Variants in DLGAP2 observed in about 807,000 individuals in gnomAD.
DLGAP2 encodes the protein DLG associated protein 2, also known as disks large-associated protein 2.
Under a neutral mutation model 100.3 loss-of-function variants are expected in DLGAP2, and 26 were observed. The observed-to-expected ratio is 0.26, with a 90% CI of 0.19 to 0.36. The LOEUF (loss-of-function observed/expected upper bound fraction) is 0.36. Among genes scored for constraint, DLGAP2 ranks in the 10% least tolerant of loss-of-function variants. The pLI is 1.00. For missense variants in DLGAP2, 1,858 were observed against 1,453.2 expected (o/e 1.28, Z -4.53); for synonymous variants, 886 against 630.1 (o/e 1.41, Z -6.08).
intron 3 of DLGAP2, among the ~76,000 whole-genome samples, chr8:1,343,978 A>G (rs1466495637): frequency 3.9e-5 from 6 of 152,258 alleles, no homozygotes; most frequent in African/African-American, 1.4e-4. Context: ...CATGGCGGAC[A>G]GAGGAGACCT....
At chr8:1,535,168 T>TC (rs1024408466) in intron 4 of DLGAP2, among the ~76,000 whole-genome samples, 5 of 152,018 alleles carry the variant, frequency 3.3e-5, no homozygotes, top group African/African-American at 1.2e-4. Context: ...TGCCCAGAAG[T>TC]CCCCCCAGGG....
In DLGAP2 at chr8:1,130,902, TGA is replaced by T. The variant is rs567038124; in HGVS notation, c.74-127944_74-127943del. Among the ~76,000 whole-genome samples, 7 of 151,646 alleles carry T rather than the reference TGA, an allele frequency of 4.6e-5. No homozygotes were observed. The South Asian group carries it at 1.3e-3, about 27-fold the overall frequency. ...ACCCCTAGCTCGGCAGCGGCTGGGC[TGA>T]GAGACCGGAGACGGGCCTCCCTGAT... On this transcript the variant is annotated intron_variant, in intron 2 of 14. Transcript: ENST00000637795.
At chr8:1,370,892 T>C (rs1352479831) in intron 3 of DLGAP2, among the ~76,000 whole-genome samples, 1 of 152,214 alleles carries the variant, frequency 6.6e-6, no homozygotes, top group African/African-American at 2.4e-5. Flanking sequence ...AGTTCATCTG[T>C]GTGTTAGGTG....
At chr8:1,170,366 A>C (rs1470161070) in intron 2 of DLGAP2, among the ~76,000 whole-genome samples, 1 of 151,992 alleles carries the variant, frequency 6.6e-6, no homozygotes, top group Non-Finnish European at 1.5e-5. Context: ...TGTCTCTGCC[A>C]GGCTTTGGTA....
chr8:1,464,953 C>T (rs1798582363), intron 3 of DLGAP2, among the ~76,000 whole-genome samples: 1 of 152,204 alleles, frequency 6.6e-6, no homozygotes, highest in Admixed American at 6.5e-5. Flanking sequence ...AAACACACCA[C>T]AGTGGTTTTT....
intron 5 of DLGAP2, among the ~76,000 whole-genome samples, chr8:1,552,537 C>G (rs1159931324): frequency 6.6e-6 from 1 of 152,188 alleles, no homozygotes; most frequent in East Asian, 1.9e-4. Flanking sequence ...GATGCCTGTG[C>G]AGGGCTGTCC....
At chr8:1,413,292 G>A (rs1400392970) in intron 3 of DLGAP2, among the ~76,000 whole-genome samples, 1 of 152,188 alleles carries the variant, frequency 6.6e-6, no homozygotes, top group Non-Finnish European at 1.5e-5. Context: ...AGAAGGATGG[G>A]AAGCAGAATG....
chr8:796,270 T>C (rs927410294), intron 1 of DLGAP2, among the ~76,000 whole-genome samples: 5 of 152,118 alleles, frequency 3.3e-5, no homozygotes. Flanking sequence ...CTGACTCTGG[T>C]CCCGGGATCC....
chr8:851,023 A>G (rs1480710687), intron 1 of DLGAP2, among the ~76,000 whole-genome samples: 2 of 152,230 alleles, frequency 1.3e-5, no homozygotes. Context: ...AAGATGAAAG[A>G]TGCACTGTCC....
At chr8:1,088,255 T>A (rs1804042526) in intron 2 of DLGAP2, among the ~76,000 whole-genome samples, 1 of 152,224 alleles carries the variant, frequency 6.6e-6, no homozygotes. Flanking sequence ...TGGCGTTTCA[T>A]TAATGGACTT....
intron 3 of DLGAP2, among the ~76,000 whole-genome samples, chr8:1,327,621 G>A (rs997233159): frequency 6.6e-6 from 1 of 152,148 alleles, no homozygotes. Context: ...AAGGCAGGTG[G>A]ATCACGAGGT....
intron 2 of DLGAP2, among the ~76,000 whole-genome samples, chr8:1,037,456 C>G (rs111510196): frequency 1.3e-5 from 2 of 152,142 alleles, no homozygotes; most frequent in African/African-American, 4.8e-5. Context: ...CAGGGCCTGG[C>G]GGTGGCCTGG....
intron 3 of DLGAP2, among the ~76,000 whole-genome samples, chr8:1,460,649 C>A (rs1798447877): frequency 6.6e-6 from 1 of 152,138 alleles, no homozygotes; most frequent in Non-Finnish European, 1.5e-5. Flanking sequence ...CAGATAATTT[C>A]TTGTGCATTT....
At chr8:1,595,435 G>A (rs1349604019) in intron 6 of DLGAP2, among the ~76,000 whole-genome samples, 9 of 151,534 alleles carry the variant, frequency 5.9e-5, no homozygotes, top group African/African-American at 2.2e-4. Context: ...AGGCCGAGGC[G>A]GGTGGATCAT....
chr8:1,140,171 G>A (rs981978136), intron 2 of DLGAP2, among the ~76,000 whole-genome samples: 10 of 152,148 alleles, frequency 6.6e-5, no homozygotes, highest in East Asian at 3.9e-4. Context: ...GGCCCATGTC[G>A]TAGCGGGGAG....
chr8:1,076,520 A>G (rs2600498), intron 2 of DLGAP2, among the ~76,000 whole-genome samples: 53,625 of 152,160 alleles, frequency 0.35, 9,471 homozygotes, highest in Middle Eastern at 0.38. Context: ...TGGTCTCGGA[A>G]GATGGCCTCT....
chr8:1,080,745 G>T (rs914940036), intron 2 of DLGAP2, among the ~76,000 whole-genome samples: 5 of 152,328 alleles, frequency 3.3e-5, no homozygotes, highest in South Asian at 4.1e-4. Flanking sequence ...CTCTGTTCCA[G>T]TTGTGAGTCC....
Position 810,791 on chromosome 8 carries a change from A to G in DLGAP2, c.18+72966A>G, listed in dbSNP as rs569032592. 1.4e-3 allele frequency among the ~76,000 whole-genome samples: 213 copies of G among 152,324 alleles called. 2 individuals are homozygous for G. Among genetic ancestry groups the G allele is most frequent in the African/African-American group, 3.8e-3 (159 of 41,576 alleles). ...GGCTGTTTTCCCACTATGCCAACAC[A>G]TGCCAGAGCTCAATTTCTGTCTGAC... On this transcript the variant is annotated intron_variant, in intron 1 of 14. Coordinates refer to ENST00000637795, the MANE Select transcript of DLGAP2 (RefSeq NM_001346810.2).
Position 1,703,299 on chromosome 8 carries a change from CAA to C in DLGAP2, c.*1905_*1906del, listed in dbSNP as rs5888852. The C allele has an allele frequency of 0.051, 7,329 of 143,556 alleles. 236 individuals are homozygous for C. The highest frequency in any genetic ancestry group is 0.092 in the Middle Eastern group (25 of 272). 8.9% of individuals were successfully genotyped at this position (143,556 alleles called of 1,614,324 possible). On this transcript the variant is annotated 3_prime_UTR_variant, in exon 15 of 15. Transcript: ENST00000637795. The stretch of plus-strand genomic sequence containing the variant: ...TACGAATGTATCTCCTTGAAAAATG[CAA>C]AAAAAAAAAAATCCCTGAAATATTC...
Sources: allele counts gnomAD v4.1 joint callset (sites outside exome capture counted in the v4.1 genomes callset), GRCh38; gene constraint gnomAD v4.1.1; transcripts MANE v1.5; gene names NCBI Gene and HGNC (gene_info 2026-07-23, HGNC 2026-07-21).